The following TDRD12 variants were observed in gnomAD, a reference collection of about 807,000 sequenced individuals.
The protein encoded by TDRD12 is tudor domain containing 12.
A neutral mutation model predicts 133.5 loss-of-function variants in TDRD12; 158 were observed. The observed-to-expected ratio is 1.18, with a 90% CI of 1.04 to 1.35. TDRD12 has a LOEUF of 1.35. TDRD12 is among the 40% of genes most tolerant of loss of function. The pLI, the probability that TDRD12 is intolerant of heterozygous loss-of-function variation, is 0.00. For missense variants in TDRD12, 1,443 were observed against 1,321.3 expected (o/e 1.09, Z -1.43); for synonymous variants, 460 against 477.9 (o/e 0.96, Z 0.49).
At chr19:32,809,015 A>G (rs996494639) in intron 22 of TDRD12, among the ~76,000 whole-genome samples, 4 of 151,892 alleles carry the variant, frequency 2.6e-5, no homozygotes, top group Non-Finnish European at 2.9e-5. Context: ...TTACTTTGCT[A>G]TTGCTCATTT....
intron 5 of TDRD12, among the ~76,000 whole-genome samples, chr19:32,748,860 A>G (rs147916161): frequency 0.011 from 1,660 of 152,374 alleles, 38 homozygotes; most frequent in African/African-American, 0.038. Context: ...TGTACCAGCA[A>G]TTGATGAAAA....
chr19:32,826,001 C>T (rs149081277), downstream of TDRD12: 8,255 of 804,306 alleles, frequency 0.01, 56 homozygotes, highest in Non-Finnish European at 0.013. Context: ...CTCATCTAGA[C>T]GTTGCATAAG....
At chr19:32,792,841 A>G (rs1971112037) in intron 13 of TDRD12, among the ~76,000 whole-genome samples, 1 of 152,214 alleles carries the variant, frequency 6.6e-6, no homozygotes, top group South Asian at 2.1e-4. Flanking sequence ...CTGGACCAGG[A>G]ATCAGAATGG....
intron 1 of TDRD12, 72 bp from the exon 2 acceptor site, chr19:32,731,653 G>T (rs1969057848): frequency 7.6e-7 from 1 of 1,321,544 alleles, no homozygotes; most frequent in Non-Finnish European, 1.0e-6. Context: ...AGTAATCGTG[G>T]CTCTAAAGTT....
chr19:32,736,843 C>T (rs927028424), intron 2 of TDRD12, among the ~76,000 whole-genome samples: 7 of 152,178 alleles, frequency 4.6e-5, no homozygotes, highest in Non-Finnish European at 7.4e-5. Flanking sequence ...AGGGTTGTCA[C>T]CTCTGCAGGG....
chr19:32,828,984 G>C (rs1967673869), exon 10 of TDRD12: 1 of 152,324 alleles, frequency 6.6e-6, no homozygotes, highest in Admixed American at 6.5e-5. Flanking sequence ...GCCCATGAAG[G>C]AAGATGGTGA....
At chr19:32,808,129 C>A (rs1428759110) in intron 22 of TDRD12, among the ~76,000 whole-genome samples, 1 of 152,254 alleles carries the variant, frequency 6.6e-6, no homozygotes, top group Admixed American at 6.5e-5. Flanking sequence ...ATGATAATTT[C>A]TTTGAGGAAA....
At chr19:32,804,585 T>C (rs1185489075) in intron 21 of TDRD12, among the ~76,000 whole-genome samples, 1 of 150,150 alleles carries the variant, frequency 6.7e-6, no homozygotes, top group Non-Finnish European at 1.5e-5. Flanking sequence ...CCCAGCTACT[T>C]GGGAGGCTGA....
intron 19 of TDRD12, among the ~76,000 whole-genome samples, chr19:32,802,163 GATAATAT>G (rs1568487037): frequency 1.3e-4 from 18 of 140,040 alleles, no homozygotes; most frequent in African/African-American, 4.9e-4. Flanking sequence ...ATATATATAT[GATAATAT>G]ATATCATATA....
intron 1 of TDRD12, among the ~76,000 whole-genome samples, chr19:32,728,512 GTTCT>G (rs1568444244): frequency 6.6e-6 from 1 of 151,842 alleles, no homozygotes; most frequent in African/African-American, 2.4e-5. Context: ...AGACAATTGT[GTTCT>G]TTATGAATAA....
intron 10 of TDRD12, among the ~76,000 whole-genome samples, chr19:32,776,684 A>C (rs1970594467): frequency 6.6e-6 from 1 of 152,216 alleles, no homozygotes; most frequent in Non-Finnish European, 1.5e-5. Context: ...TGTGATCAGC[A>C]GGAGAGAGAG....
At chr19:32,750,256 G>A (rs1224523635) in intron 6 of TDRD12, among the ~76,000 whole-genome samples, 1 of 151,974 alleles carries the variant, frequency 6.6e-6, no homozygotes, top group African/African-American at 2.4e-5. Flanking sequence ...CAGAAAGAAA[G>A]CGGACATCAT....
exon 24 of TDRD12, chr19:32,811,237 A>G (rs750260909): frequency 7.8e-6 from 12 of 1,535,964 alleles, no homozygotes; most frequent in African/African-American, 1.4e-5. Flanking sequence ...TGAACCAAAA[A>G]GAAGACGCCT....
chr19:32,803,122 G>A (rs1421308214), exon 21 of TDRD12: 11 of 1,519,748 alleles, frequency 7.2e-6, no homozygotes, highest in Non-Finnish European at 8.7e-6. Context: ...GTCCATATCT[G>A]AAGGCTTTTG....
intron 13 of TDRD12, among the ~76,000 whole-genome samples, chr19:32,793,973 T>C (rs1162548125): frequency 7.8e-6 from 1 of 127,518 alleles, no homozygotes; most frequent in Non-Finnish European, 1.7e-5. Flanking sequence ...TTTCTATTTT[T>C]AGTAGAGACG....
At chr19:32,806,211 G>A (rs752574694) in intron 21 of TDRD12, among the ~76,000 whole-genome samples, 12 of 152,188 alleles carry the variant, frequency 7.9e-5, no homozygotes, top group Non-Finnish European at 1.6e-4. Context: ...TGAGGCTGGG[G>A]CATGGGTGCC....
exon 10 of TDRD12, chr19:32,827,787 A>C (rs1343440106): frequency 6.6e-6 from 1 of 152,234 alleles, no homozygotes; most frequent in Non-Finnish European, 1.5e-5. Flanking sequence ...GCTGATGATA[A>C]GACCATCAAA....
At chr19:32,813,863 C>T in intron 25 of TDRD12, 87 bp downstream of exon 25, 1 of 756,592 alleles carries the variant, frequency 1.3e-6, no homozygotes, top group Non-Finnish European at 2.1e-6. Context: ...ACTTGAATAA[C>T]TGCTGCATAG....
At chr19:32,746,889 T>TGA (rs140171399) in intron 4 of TDRD12, among the ~76,000 whole-genome samples, 61 of 134,904 alleles carry the variant, frequency 4.5e-4, no homozygotes, top group South Asian at 1.7e-3. Flanking sequence ...TGTGTGTGTG[T>TGA]GAGAGAGAGA....
Sources: allele counts gnomAD v4.1 joint callset (sites outside exome capture counted in the v4.1 genomes callset), GRCh38; gene constraint gnomAD v4.1.1; transcripts MANE v1.5; gene names NCBI Gene and HGNC (gene_info 2026-07-23, HGNC 2026-07-21).